The following CNTN4 variants were observed in gnomAD, a reference collection of about 807,000 sequenced individuals.
CNTN4 encodes contactin 4.
CNTN4 carries 77 observed loss-of-function variants against 122.5 expected under a neutral mutation model. The ratio of observed to expected loss-of-function variants is 0.63; its 90% CI spans 0.52 to 0.76. The LOEUF (loss-of-function observed/expected upper bound fraction) is 0.76. CNTN4 is among the 30% of genes least tolerant of loss of function. The probability of loss-of-function intolerance (pLI) is 0.00; values close to 1 mark genes in which losing one functional copy is unlikely to be tolerated. For synonymous variants in CNTN4, 512 were observed against 447.0 expected, an observed-to-expected ratio of 1.15 and a Z score of -1.83; for missense variants, 1,256 against 1,259.1, an observed-to-expected ratio of 1.00 and a Z score of 0.04.
At chr3:2,372,852 A>G (rs1011980951) in intron 3 of CNTN4, among the ~76,000 whole-genome samples, 2 of 152,124 alleles carry the variant, frequency 1.3e-5, no homozygotes, top group African/African-American at 4.8e-5. Flanking sequence ...GTTTGAGACC[A>G]GCCTGGCCAA....
intron 4 of CNTN4, among the ~76,000 whole-genome samples, chr3:2,600,899 G>T (rs574365837): frequency 6.6e-6 from 1 of 152,248 alleles, no homozygotes; most frequent in Non-Finnish European, 1.5e-5. Context: ...CATTCTAACT[G>T]GTGTGAGATG....
chr3:2,916,788 G>C lies in CNTN4; in HGVS notation c.1208-8841G>C, dbSNP rs527545859. On this transcript the variant is annotated intron_variant, in intron 12 of 24. Transcript: ENST00000418658. ...CCCAGTAGGGGCGGCCGGGCAGAGGGGCCCCCCACCTCCCAGACGGGGCCG... is the reference window on the plus strand; with the variant it reads ...CCCAGTAGGGGCGGCCGGGCAGAGGCGCCCCCCACCTCCCAGACGGGGCCG... 1.1e-3 allele frequency among the ~76,000 whole-genome samples: 158 copies of C among 149,786 alleles called. 1 individual carries two copies. The highest frequency in any genetic ancestry group is 5.8e-3 in the South Asian group (27 of 4,668).
chr3:2,410,198 G>A (rs1017780394), intron 3 of CNTN4, among the ~76,000 whole-genome samples: 3 of 152,104 alleles, frequency 2.0e-5, no homozygotes, highest in Non-Finnish European at 4.4e-5. Context: ...GTAAGAAGAT[G>A]GAGGACCCTC....
chr3:2,529,689 A>G (rs1251837468), intron 3 of CNTN4, among the ~76,000 whole-genome samples: 1 of 128,556 alleles, frequency 7.8e-6, no homozygotes, highest in Non-Finnish European at 1.6e-5. Flanking sequence ...ATCTTTGCAT[A>G]GGCTAAACTA....
At position 3,057,616 on chromosome 3, in the gene CNTN4, T is replaced by G. The variant is rs1157186951; in HGVS notation, c.*1396T>G. On this transcript the variant is annotated 3_prime_UTR_variant, in exon 25 of 25. Coordinates refer to ENST00000418658, the MANE Select transcript of CNTN4 (RefSeq NM_175607.3). ...CAGAGAACTCAAATTTGCTATAGTT[T>G]GTCATTTTTGCTTACAAATAATATA... is the stretch of plus-strand genomic sequence containing the variant. The G allele has an allele frequency of 6.6e-6, 1 of 152,650 alleles. No individual in the cohort carries two copies. The highest frequency in any genetic ancestry group is 2.4e-5 in the African/African-American group (1 of 41,454). The allele number at this position is 152,650 out of a possible 1,614,324, so 9.5% of individuals were successfully genotyped here.
At chr3:2,456,153 C>T (rs1234278555) in intron 3 of CNTN4, among the ~76,000 whole-genome samples, 1 of 151,964 alleles carries the variant, frequency 6.6e-6, no homozygotes, top group African/African-American at 2.4e-5. Flanking sequence ...TCAAGCCTTC[C>T]TGAATCTGAA....
intron 6 of CNTN4, among the ~76,000 whole-genome samples, chr3:2,782,465 C>CTGTGTGTGTGTGTGTGTGTG (rs137927481): frequency 7.5e-6 from 1 of 133,212 alleles, no homozygotes; most frequent in East Asian, 2.3e-4. Flanking sequence ...CCTTCTTATT[C>CTGTGTGTGTGTGTGTGTGTG]TGTGTGTGTG....
intron 6 of CNTN4, among the ~76,000 whole-genome samples, chr3:2,779,228 G>C (rs1382152084): frequency 6.7e-6 from 1 of 150,184 alleles, no homozygotes; most frequent in Non-Finnish European, 1.5e-5. Context: ...TTCCTTTTCA[G>C]GTTGTGGTGT....
chr3:2,574,322 G>GT (rs1233503373), intron 4 of CNTN4, among the ~76,000 whole-genome samples: 1 of 152,118 alleles, frequency 6.6e-6, no homozygotes, highest in Non-Finnish European at 1.5e-5. Context: ...TTCTTGGTGA[G>GT]TTTTTGGTAA....
intron 2 of CNTN4, among the ~76,000 whole-genome samples, chr3:2,220,429 G>A (rs534412643): frequency 3.3e-5 from 5 of 152,200 alleles, no homozygotes; most frequent in African/African-American, 4.8e-5. Flanking sequence ...CATTAAATGA[G>A]TAAGTTTCTT....
At chr3:2,840,500 A>C (rs531510756) in intron 7 of CNTN4, among the ~76,000 whole-genome samples, 1 of 138,964 alleles carries the variant, frequency 7.2e-6, no homozygotes, top group Non-Finnish European at 1.6e-5. Context: ...GGAGATCGAG[A>C]CCATCCTGGC....
intron 8 of CNTN4, among the ~76,000 whole-genome samples, chr3:2,867,677 C>T (rs1248759931): frequency 1.3e-5 from 2 of 151,832 alleles, no homozygotes; most frequent in African/African-American, 2.4e-5. Flanking sequence ...CTGGTTCTTC[C>T]AGTTTCTTTA....
At chr3:2,177,876 C>T (rs1489572159) in intron 2 of CNTN4, among the ~76,000 whole-genome samples, 1 of 152,074 alleles carries the variant, frequency 6.6e-6, no homozygotes, top group Non-Finnish European at 1.5e-5. Context: ...GGCCCCAGAG[C>T]CTAGCCAAGG....
At chr3:3,004,979 G>A (rs1407917307) in intron 14 of CNTN4, among the ~76,000 whole-genome samples, 1 of 152,206 alleles carries the variant, frequency 6.6e-6, no homozygotes, top group East Asian at 1.9e-4. Context: ...TCAAGAGGCA[G>A]CCCTGATGAT....
At chr3:2,614,950 A>C (rs141997870) in intron 4 of CNTN4, among the ~76,000 whole-genome samples, 6 of 152,272 alleles carry the variant, frequency 3.9e-5, no homozygotes, top group African/African-American at 1.4e-4. Context: ...ATGGGTACTT[A>C]TTTATTGAAA....
intron 3 of CNTN4, among the ~76,000 whole-genome samples, chr3:2,510,141 C>T (rs965158182): frequency 2.6e-5 from 4 of 152,132 alleles, no homozygotes; most frequent in Non-Finnish European, 5.9e-5. Context: ...AACAAAGACC[C>T]TCCATCCCCA....
At chr3:2,855,268 C>T (rs9827210) in intron 7 of CNTN4, among the ~76,000 whole-genome samples, 69,692 of 151,990 alleles carry the variant, frequency 0.46, 16,535 homozygotes, top group African/African-American at 0.57. Context: ...GTTGCAGTGG[C>T]TCCTGGCATA....
At chr3:2,144,084 T>C (rs2035130188) in intron 2 of CNTN4, 2 of 152,190 alleles carry the variant, frequency 1.3e-5, no homozygotes, top group East Asian at 3.8e-4. Context: ...CCCTTTCTTC[T>C]GCAGGTGAGA....
intron 3 of CNTN4, among the ~76,000 whole-genome samples, chr3:2,530,778 G>T (rs1032626439): frequency 6.6e-6 from 1 of 152,104 alleles, no homozygotes; most frequent in Non-Finnish European, 1.5e-5. Context: ...GTTCTTAAAA[G>T]TGTAACTCCC....
Sources: gnomAD v4.1 joint callset for allele counts (sites outside exome capture counted in the v4.1 genomes callset) on GRCh38, gnomAD v4.1.1 for gene constraint, MANE v1.5 for transcripts, NCBI Gene and HGNC (gene_info 2026-07-23, HGNC 2026-07-21) for gene names.